Variants in PPP3CA observed in about 807,000 individuals in gnomAD.
PPP3CA encodes protein phosphatase 3 catalytic subunit alpha.
A neutral mutation model predicts 66.5 loss-of-function variants in PPP3CA; 14 were observed. That is an observed-to-expected ratio of 0.21 (90% CI 0.14 to 0.33). PPP3CA has a LOEUF of 0.33. PPP3CA is among the 10% of genes least tolerant of loss of function. The pLI, the probability that PPP3CA is intolerant of heterozygous loss-of-function variation, is 1.00. For synonymous variants in PPP3CA, 232 were observed against 226.2 expected (o/e 1.03, Z -0.23); for missense variants, 317 against 639.5 (o/e 0.50, Z 5.44).
At chr4:101,028,183 A>C (rs1726757262) in intron 13 of PPP3CA, among the ~76,000 whole-genome samples, 1 of 152,204 alleles carries the variant, frequency 6.6e-6, no homozygotes. Context: ...AATTTTGAGA[A>C]AAACAAAAAA....
At chr4:101,300,442 TTAA>T (rs1355349619) in intron 1 of PPP3CA, among the ~76,000 whole-genome samples, 1 of 152,210 alleles carries the variant, frequency 6.6e-6, no homozygotes, top group Non-Finnish European at 1.5e-5. Context: ...TGCAACACCA[TTAA>T]TATTACCATA....
At chr4:101,180,760 G>A (rs888088626) in intron 2 of PPP3CA, among the ~76,000 whole-genome samples, 4 of 152,046 alleles carry the variant, frequency 2.6e-5, no homozygotes, top group African/African-American at 4.8e-5. Flanking sequence ...TTGGCCAGGC[G>A]CAGTGGCTCA....
rs534846912 is a variant in PPP3CA, at chr4:101,109,181, T to C, written c.260-103A>G. 179 of 1,196,590 alleles carry C rather than the reference T, an allele frequency of 1.5e-4. No individual in the cohort carries two copies. The Middle Eastern group carries it at 6.1e-3, about 41-fold the overall frequency. The allele number at this position is 1,196,590 out of a possible 1,614,324, so 74.1% of individuals were successfully genotyped here. On this transcript the variant is annotated intron_variant, in intron 2 of 13. Transcript: ENST00000394854. ...AACCAGAATTAATTTCAAGTTTATC[T>C]GAGCCAAAACATTCTTTTGCAGAAC...
At chr4:101,107,293 T>C (rs990573697) in intron 3 of PPP3CA, among the ~76,000 whole-genome samples, 2 of 152,256 alleles carry the variant, frequency 1.3e-5, no homozygotes, top group African/African-American at 2.4e-5. Flanking sequence ...TTTAAATTAC[T>C]GACCTCTGGA....
chr4:101,215,752 T>A (rs1028988029), intron 1 of PPP3CA, among the ~76,000 whole-genome samples: 4 of 152,106 alleles, frequency 2.6e-5, no homozygotes, highest in Non-Finnish European at 1.5e-5. Flanking sequence ...ATAAAGCTAA[T>A]GCAAATGGCT....
At chr4:101,187,729 T>C (rs1249887516) in intron 2 of PPP3CA, among the ~76,000 whole-genome samples, 1 of 152,160 alleles carries the variant, frequency 6.6e-6, no homozygotes, top group African/African-American at 2.4e-5. Context: ...CTTTACCTTT[T>C]AAAATTAAAT....
chr4:101,212,502 T>C (rs1725327897), intron 1 of PPP3CA, among the ~76,000 whole-genome samples: 1 of 152,104 alleles, frequency 6.6e-6, no homozygotes, highest in Non-Finnish European at 1.5e-5. Context: ...GTAGAATAGC[T>C]AATGGACCCT....
intron 2 of PPP3CA, among the ~76,000 whole-genome samples, chr4:101,157,749 T>A (rs1723370504): frequency 6.6e-6 from 1 of 151,754 alleles, no homozygotes; most frequent in African/African-American, 2.4e-5. Context: ...TCTGCTCTTT[T>A]AAAGCTGCAA....
In PPP3CA at chr4:101,065,228, AG is replaced by A. The variant is rs200598295; in HGVS notation, c.956-1872del. Among the ~76,000 whole-genome samples the A allele has an allele frequency of 5.7e-3, 863 of 152,174 alleles. 12 individuals carry two copies. The highest frequency in any genetic ancestry group is 0.019 in the African/African-American group (803 of 41,560). On this transcript the variant is annotated intron_variant, in intron 8 of 13. Transcript: ENST00000394854. The stretch of plus-strand genomic sequence containing the variant: ...ATACTTTTGATCTTCAGTATGAAAA[AG>A]GTGAAGTATTTCCCATCTTTGCTAA...
chr4:101,278,822 A>G (rs1372730730), intron 1 of PPP3CA, among the ~76,000 whole-genome samples: 3 of 151,856 alleles, frequency 2.0e-5, no homozygotes, highest in Non-Finnish European at 2.9e-5. Context: ...TTAAACAATC[A>G]CCCCCGTGGA....
intron 2 of PPP3CA, among the ~76,000 whole-genome samples, chr4:101,131,237 A>AAAAC (rs747123120): frequency 7.6e-4 from 105 of 138,698 alleles, no homozygotes; most frequent in African/African-American, 3.0e-3. Flanking sequence ...ACTCCGTCTC[A>AAAAC]AAATAAATAA....
chr4:101,250,407 T>C (rs1038691116), intron 1 of PPP3CA: 36 of 452,894 alleles, frequency 7.9e-5, no homozygotes, highest in Non-Finnish European at 1.1e-4. Context: ...GTATTTCATA[T>C]GTTGCCATAA....
At chr4:101,106,476 AAAAGAAAAGAAAAGAAAAGAAAAGAAAG>A (rs1730751533) in intron 3 of PPP3CA, among the ~76,000 whole-genome samples, 3 of 62,636 alleles carry the variant, frequency 4.8e-5, no homozygotes, top group Non-Finnish European at 9.3e-5. Flanking sequence ...AAAAGAAAAG[AAAAGAAAAGAAAAGAAAAGAAAAGAAAG>A]AAAGAAAGAA....
intron 1 of PPP3CA, among the ~76,000 whole-genome samples, chr4:101,224,786 G>A (rs549770936): frequency 6.6e-6 from 1 of 151,898 alleles, no homozygotes; most frequent in South Asian, 2.1e-4. Context: ...ACAAAGCATG[G>A]TTAGGGTTTC....
chr4:101,106,463 A>AG (rs1560605247), intron 3 of PPP3CA, among the ~76,000 whole-genome samples: 6 of 33,748 alleles, frequency 1.8e-4, no homozygotes, highest in African/African-American at 3.5e-4. Flanking sequence ...GAGAAAAGAA[A>AG]AGAAAAGAAA....
At position 101,024,351 on chromosome 4, in the gene PPP3CA, G is replaced by A. The variant is rs1299067281; in HGVS notation, c.*1514C>T. On this transcript the variant is annotated 3_prime_UTR_variant, in exon 14 of 14. Coordinates refer to ENST00000394854, the MANE Select transcript of PPP3CA (RefSeq NM_000944.5). Reference sequence around the variant, plus strand: ...TGTAAGTTCATGCACATTTTATTGAGTAGTAATATAAAATGCTTTTTCTTT... The same window carrying A: ...TGTAAGTTCATGCACATTTTATTGAATAGTAATATAAAATGCTTTTTCTTT... The A allele has an allele frequency of 6.6e-6, 1 of 152,646 alleles. No homozygotes were observed. The highest frequency in any genetic ancestry group is 1.5e-5 in the Non-Finnish European group (1 of 68,038). The allele number at this position is 152,646 out of a possible 1,614,324, so 9.5% of individuals were successfully genotyped here.
chr4:101,070,960 T>C (rs946550928), intron 8 of PPP3CA, among the ~76,000 whole-genome samples: 15 of 152,322 alleles, frequency 9.8e-5, no homozygotes, highest in Middle Eastern at 3.4e-3. Flanking sequence ...CCTTAACAGT[T>C]TCAGCTAGTG....
In PPP3CA at chr4:101,073,228, C is replaced by CGTGT. The variant is rs74947807; in HGVS notation, c.955+7300_955+7303dup. Among the ~76,000 whole-genome samples the CGTGT allele has an allele frequency of 2.8e-3, 402 of 143,814 alleles. 6 individuals are homozygous for CGTGT. Among genetic ancestry groups the CGTGT allele is most frequent in the African/African-American group, 9.7e-3 (380 of 39,010 alleles). 94.3% of individuals were successfully genotyped at this position (143,814 alleles called of 152,430 possible). On this transcript the variant is annotated intron_variant, in intron 8 of 13. Transcript: ENST00000394854. ...TCTTTTCTACCACCATATATATATA[C>CGTGT]GTGTGTGTGTGTGTGTGTGTGTGTG...
chr4:101,289,866 GTGTA>G (rs1176788555), intron 1 of PPP3CA, among the ~76,000 whole-genome samples: 34 of 119,198 alleles, frequency 2.9e-4, no homozygotes, highest in African/African-American at 6.8e-4. Flanking sequence ...CAAAATGTCC[GTGTA>G]TGTGTGTGTG....
Sources: gnomAD v4.1 joint callset for allele counts (sites outside exome capture counted in the v4.1 genomes callset) on GRCh38, gnomAD v4.1.1 for gene constraint, MANE v1.5 for transcripts, NCBI Gene and HGNC (gene_info 2026-07-23, HGNC 2026-07-21) for gene names.